Variants in DGKK observed in about 807,000 individuals in gnomAD.
DGKK encodes 142 kDa diacylglycerol kinase.
In DGKK, 35 loss-of-function variants were observed where a neutral mutation model predicts 92.2. The ratio of observed to expected loss-of-function variants is 0.38; its 90% CI spans 0.29 to 0.50. DGKK has a LOEUF of 0.50. DGKK is among the 20% of genes least tolerant of loss of function. DGKK has a pLI of 0.92. For synonymous variants in DGKK, 368 were observed against 360.6 expected, an observed-to-expected ratio of 1.02 and a Z score of -0.23; for missense variants, 910 against 992.2, an observed-to-expected ratio of 0.92 and a Z score of 1.11.
chrX:50,369,450 CTTCT>C (rs1160526765), intron 27 of DGKK, among the ~76,000 whole-genome samples: 3 of 106,779 alleles, frequency 2.8e-5, no homozygotes, highest in East Asian at 5.9e-4. Flanking sequence ...TCTTTCTTTC[CTTCT>C]TTCTTTCATT....
chrX:50,393,797 AAGATACCAGGTCAGGAG>A (rs1465987651), intron 8 of DGKK, among the ~76,000 whole-genome samples: 9 of 111,884 alleles, frequency 8.0e-5, no homozygotes, highest in Non-Finnish European at 1.7e-4. Context: ...TTATAGTGAG[AAGATACCAGGTCAGGAG>A]AGAGGGGAAG....
At chrX:50,431,779 A>C (rs1925895350) in intron 1 of DGKK, among the ~76,000 whole-genome samples, 1 of 111,923 alleles carries the variant, frequency 8.9e-6, no homozygotes, top group African/African-American at 3.2e-5. Context: ...GGTCAGACCC[A>C]CTGCTCCACT....
At chrX:50,425,538 CACAT>C (rs1216055833) in intron 1 of DGKK, among the ~76,000 whole-genome samples, 1 of 108,365 alleles carries the variant, frequency 9.2e-6, no homozygotes, top group African/African-American at 3.5e-5. Flanking sequence ...CACACACACA[CACAT>C]ACACACACAC....
At chrX:50,418,157 T>C (rs1459110634) in intron 4 of DGKK, among the ~76,000 whole-genome samples, 1 of 111,666 alleles carries the variant, frequency 9.0e-6, no homozygotes, top group Non-Finnish European at 1.9e-5. Context: ...CCCATACTTA[T>C]CTCTTTCTCC....
At chrX:50,389,325 C>G (rs1924627304) in intron 12 of DGKK, among the ~76,000 whole-genome samples, 1 of 112,237 alleles carries the variant, frequency 8.9e-6, no homozygotes, top group East Asian at 2.8e-4. Flanking sequence ...TGCTACTCAT[C>G]CCTGCTACCA....
intron 27 of DGKK, 62 bp downstream of exon 27, chrX:50,370,363 TG>T: frequency 8.8e-7 from 1 of 1,140,371 alleles, no homozygotes; most frequent in Non-Finnish European, 1.2e-6. Flanking sequence ...TTCAGGTCCC[TG>T]GGAGGTAGCC....
At chrX:50,394,396 C>T (rs1441007557) in intron 8 of DGKK, among the ~76,000 whole-genome samples, 4 of 111,582 alleles carry the variant, frequency 3.6e-5, no homozygotes, top group Non-Finnish European at 7.5e-5. Flanking sequence ...GCCAGTGGAG[C>T]TTGAAGGCAT....
chrX:50,470,496 A>G lies in DGKK; in HGVS notation c.183T>C (p.Leu61=). 1 of 1,212,224 alleles carries G rather than the reference A, an allele frequency of 8.2e-7. No homozygotes were observed. The highest frequency in any genetic ancestry group is 1.1e-6 in the Non-Finnish European group (1 of 895,544). Residue 61 remains leucine (L), a synonymous_variant, in exon 1 of 28, where the codon CTT becomes CTC. Coordinates refer to ENST00000611977, the MANE Select transcript of DGKK (RefSeq NM_001013742.4). ...PEPIPEPCPE[L]APGPCPEATS... ...TCGCCTCTGGACAGGGACCTGGAGC[A>G]AGCTCTGGACAGGGCTCTGGTATGG...
chrX:50,379,804 G>A, intron 19 of DGKK, 70 bp from the exon 20 acceptor site: 1 of 969,530 alleles, frequency 1.0e-6, no homozygotes, highest in Non-Finnish European at 1.5e-6. Context: ...TTACAGAGAT[G>A]GGGAAAGGGC....
intron 1 of DGKK, among the ~76,000 whole-genome samples, chrX:50,463,483 C>G (rs1235278206): frequency 1.3e-4 from 14 of 104,127 alleles, no homozygotes; most frequent in African/African-American, 4.9e-4. Flanking sequence ...CTCCTCTCTA[C>G]CTGTCCGGCT....
At chrX:50,452,621 A>G (rs1335807366) in intron 1 of DGKK, among the ~76,000 whole-genome samples, 5 of 112,067 alleles carry the variant, frequency 4.5e-5, no homozygotes, top group Non-Finnish European at 9.4e-5. Context: ...TCTGGGCTCT[A>G]ACCCTGTCCC....
chrX:50,392,272 C>A, intron 10 of DGKK, 69 bp downstream of exon 10: 1 of 848,779 alleles, frequency 1.2e-6, no homozygotes, highest in Non-Finnish European at 1.7e-6. Flanking sequence ...CTTGGGACTT[C>A]TTGGGATGGG....
chrX:50,377,698 A>G (rs1477447729), intron 22 of DGKK, among the ~76,000 whole-genome samples: 3 of 112,354 alleles, frequency 2.7e-5, no homozygotes, highest in Non-Finnish European at 5.6e-5. Flanking sequence ...GACCATGTTC[A>G]ATGCAGAATC....
At chrX:50,458,866 C>T (rs782476898) in intron 1 of DGKK, among the ~76,000 whole-genome samples, 1 of 111,861 alleles carries the variant, frequency 8.9e-6, no homozygotes, top group Non-Finnish European at 1.9e-5. Context: ...CTGCCCAATT[C>T]AAGTATAACT....
At chrX:50,372,577 A>G (rs975456305) in intron 25 of DGKK, among the ~76,000 whole-genome samples, 6 of 112,015 alleles carry the variant, frequency 5.4e-5, no homozygotes, top group African/African-American at 1.6e-4. Context: ...TATCACTATG[A>G]CTAATTAAGA....
chrX:50,413,712 G>T (rs1602284924), intron 4 of DGKK, among the ~76,000 whole-genome samples: 1 of 112,198 alleles, frequency 8.9e-6, no homozygotes, highest in Non-Finnish European at 1.9e-5. Context: ...GATAATAAGT[G>T]TTGGAGAGGA....
At chrX:50,371,109 T>A (rs1198070957) in intron 26 of DGKK, among the ~76,000 whole-genome samples, 1 of 112,926 alleles carries the variant, frequency 8.9e-6, no homozygotes, top group Non-Finnish European at 1.9e-5. Context: ...ACTTGGGCTC[T>A]CTGCTGTGCA....
In DGKK at chrX:50,368,915, T is replaced by C. The variant is rs782324628; in HGVS notation, c.*25A>G. ...GTTTTTTTAGTAGAATTCTCAATGT[T>C]GTGAGTTCTTCCAGCTTTCAAGGGC... On this transcript the variant is annotated 3_prime_UTR_variant, in exon 28 of 28. Coordinates refer to ENST00000611977, the MANE Select transcript of DGKK (RefSeq NM_001013742.4). The C allele has an allele frequency of 1.7e-6, 2 of 1,179,307 alleles. No homozygotes were observed. Among genetic ancestry groups the C allele is most frequent in the Admixed American group, 4.5e-5 (2 of 44,733 alleles).
At chrX:50,443,316 C>T (rs1051542109) in intron 1 of DGKK, among the ~76,000 whole-genome samples, 1 of 111,058 alleles carries the variant, frequency 9.0e-6, no homozygotes, top group African/African-American at 3.3e-5. Flanking sequence ...CATCCCTATG[C>T]CAGAGAACTA....
Sources: gnomAD v4.1 joint callset for allele counts (sites outside exome capture counted in the v4.1 genomes callset) on GRCh38, gnomAD v4.1.1 for gene constraint, MANE v1.5 for transcripts, NCBI Gene and HGNC (gene_info 2026-07-23, HGNC 2026-07-21) for gene names.